PRDM1: variants seen among roughly 807,000 people sequenced by gnomAD.
The protein encoded by PRDM1 is PR domain zinc finger protein 1.
Under a neutral mutation model 62.8 loss-of-function variants are expected in PRDM1, and 13 were observed. That is an observed-to-expected ratio of 0.21 (90% CI 0.13 to 0.33). The LOEUF (loss-of-function observed/expected upper bound fraction) is 0.33. Ranked by LOEUF, PRDM1 falls within the 10% of genes least tolerant of loss-of-function variation. PRDM1 has a pLI of 1.00. For missense variants in PRDM1, 895 were observed against 1,058.8 expected (o/e 0.85, Z 2.15); for synonymous variants, 396 against 417.6 (o/e 0.95, Z 0.63).
intron 1 of PRDM1, among the ~76,000 whole-genome samples, chr6:106,014,796 G>A (rs189643988): frequency 5.9e-5 from 9 of 152,090 alleles, no homozygotes; most frequent in African/African-American, 1.9e-4. Context: ...TTGGCCTTCT[G>A]GTGACAGGTG....
At chr6:106,005,647 A>T (rs563039191) in intron 1 of PRDM1, among the ~76,000 whole-genome samples, 8 of 152,358 alleles carry the variant, frequency 5.3e-5, no homozygotes, top group African/African-American at 1.9e-4. Context: ...TAGAATTATC[A>T]TTAAAACACT....
intron 1 of PRDM1, among the ~76,000 whole-genome samples, chr6:106,067,569 A>G (rs1353367318): frequency 6.6e-6 from 1 of 152,238 alleles, no homozygotes; most frequent in East Asian, 1.9e-4. Flanking sequence ...GATATATGCT[A>G]CATGTGGATG....
At chr6:106,020,182 CAAAA>C (rs371335498) in intron 1 of PRDM1, among the ~76,000 whole-genome samples, 2 of 102,650 alleles carry the variant, frequency 1.9e-5, no homozygotes, top group African/African-American at 7.5e-5. Context: ...GACTCTGTCT[CAAAA>C]AAAAAAAAAA....
Position 106,106,640 on chromosome 6 carries a change from C to T in PRDM1, c.1902+141C>T. 2 of 1,231,620 alleles carry T rather than the reference C, an allele frequency of 1.6e-6. No homozygotes were observed. Among genetic ancestry groups the T allele is most frequent in the Non-Finnish European group, 2.2e-6 (2 of 898,958 alleles). The allele number at this position is 1,231,620 out of a possible 1,614,324, so 76.3% of individuals were successfully genotyped here. A position where few individuals can be genotyped will look rare whatever the true frequency, so the allele number is the denominator to read the frequency against. On this transcript the variant is annotated intron_variant, in intron 6 of 6. Coordinates refer to ENST00000369096, the MANE Select transcript of PRDM1 (RefSeq NM_001198.4). This position sits in a 1 kb window ranked among gnomAD's most constrained non-coding sequence, Gnocchi z 4.4. ...ATCCTGGACTGATGGCACTATGGTCCTTCCCAGTACTTTGTATCTGCTGAT... is the reference window on the plus strand; with the variant it reads ...ATCCTGGACTGATGGCACTATGGTCTTTCCCAGTACTTTGTATCTGCTGAT...
chr6:106,001,334 G>A (rs964949336), intron 1 of PRDM1, among the ~76,000 whole-genome samples: 17 of 152,174 alleles, frequency 1.1e-4, no homozygotes, highest in Admixed American at 3.3e-4. Flanking sequence ...TTAGCCTTGC[G>A]TTGTTTATGG....
intron 1 of PRDM1, among the ~76,000 whole-genome samples, chr6:106,066,806 A>C (rs1053603046): frequency 1.1e-4 from 16 of 152,214 alleles, no homozygotes; most frequent in African/African-American, 3.9e-4. Context: ...AAGTAATGTC[A>C]GTTATGGATC....
rs76828243 is a variant in PRDM1 at position 106,104,109 on chromosome 6, T to C, written c.665-716T>C. 8.2e-3 allele frequency among the ~76,000 whole-genome samples: 1,256 copies of C among 152,352 alleles called. 13 individuals carry two copies. The highest frequency in any genetic ancestry group is 0.029 in the African/African-American group (1,214 of 41,572). ...TTCACATTTAGTTCTCAGGGTATGCTGATTTCCTTTAGGTAAACCATGAAC... is the reference window on the plus strand; with the variant it reads ...TTCACATTTAGTTCTCAGGGTATGCCGATTTCCTTTAGGTAAACCATGAAC... On this transcript the variant is annotated intron_variant, in intron 4 of 6. Transcript: ENST00000369096.
At chr6:106,001,126 C>G (rs568779880) in intron 1 of PRDM1, among the ~76,000 whole-genome samples, 2 of 152,282 alleles carry the variant, frequency 1.3e-5, no homozygotes, top group East Asian at 3.9e-4. Flanking sequence ...TTATGTTTTC[C>G]TGACCTAGTG....
rs2114650155 is a variant in PRDM1 at position 106,104,906 on chromosome 6, G to A, written c.746G>A (p.Ser249Asn). ...CPKNVPKREYSVKEILKLDSN... is the reference protein window; with the variant it reads ...CPKNVPKREYNVKEILKLDSN... Reference sequence around the variant, plus strand: ...AAGAATGTCCCAAAGAGAGAGTACAGCGTGAAAGAAATCCTAAAATTGGAC... The same window carrying A: ...AAGAATGTCCCAAAGAGAGAGTACAACGTGAAAGAAATCCTAAAATTGGAC... Residue 249 changes from serine to asparagine, a missense_variant, in exon 5 of 7, where the codon AGC becomes AAC. Physicochemically the swap from Ser to Asn is conservative, Grantham distance 46. This residue lies in a region of PRDM1 where 444 missense variants were observed against 422.7 expected (regional missense o/e 1.05). Coordinates refer to ENST00000369096, the MANE Select transcript of PRDM1 (RefSeq NM_001198.4). 6.2e-7 allele frequency: 1 copy of A among 1,614,080 alleles called. No individual in the cohort carries two copies. Among genetic ancestry groups the A allele is most frequent in the East Asian group, 2.2e-5 (1 of 44,884 alleles).
At chr6:106,089,394 GA>G (rs1424401153) in intron 2 of PRDM1, among the ~76,000 whole-genome samples, 2 of 152,228 alleles carry the variant, frequency 1.3e-5, no homozygotes, top group East Asian at 1.9e-4. Flanking sequence ...TAGAAATCCA[GA>G]ATTTGCTACT....
At chr6:106,088,590 G>A (rs1773877239) in intron 2 of PRDM1, 141 bp downstream of exon 2, 2 of 924,582 alleles carry the variant, frequency 2.2e-6, no homozygotes, top group East Asian at 5.2e-5. Context: ...TTCAATTCTT[G>A]CATTGCTTTC....
At chr6:106,047,855 G>A, upstream of PRDM1, among the ~76,000 whole-genome samples, 1 of 152,170 alleles carries the variant, frequency 6.6e-6, no homozygotes, top group East Asian at 1.9e-4. Context: ...TAATGCAGGG[G>A]CTGGGCTGGA....
At chr6:106,040,094 A>G (rs1772973348) in intron 1 of PRDM1, among the ~76,000 whole-genome samples, 3 of 152,278 alleles carry the variant, frequency 2.0e-5, no homozygotes. Context: ...CCAGCGAGGA[A>G]GAAATGATTA....
At chr6:106,042,737 C>T (rs1773020988) in intron 1 of PRDM1, among the ~76,000 whole-genome samples, 3 of 152,056 alleles carry the variant, frequency 2.0e-5, no homozygotes, top group African/African-American at 7.2e-5. Flanking sequence ...CAGCTATGTC[C>T]CTGTAGATCC....
Position 105,999,406 on chromosome 6 carries a change from T to C in PRDM1, c.-67+5767T>C, listed in dbSNP as rs531153586. 2.0e-5 allele frequency among the ~76,000 whole-genome samples: 3 copies of C among 151,732 alleles called. No individual in the cohort carries two copies. The East Asian group carries it at 5.8e-4, about 30-fold the overall frequency. Reference sequence around the variant, plus strand: ...CCCCCATGTCTACAAAAAAAAAAAATTAGAAAACACATTGTGACCAATTAG... The same window carrying C: ...CCCCCATGTCTACAAAAAAAAAAAACTAGAAAACACATTGTGACCAATTAG... On this transcript the variant is annotated intron_variant, in intron 1 of 6. Coordinates refer to the PRDM1 transcript ENST00000652320.
In PRDM1 at chr6:106,064,319, C is replaced by T. The variant is rs143354597; in HGVS notation, c.-67+15605C>T. Among the ~76,000 whole-genome samples, 264 of 152,288 alleles carry T rather than the reference C, an allele frequency of 1.7e-3. 1 individual carries two copies. The highest frequency in any genetic ancestry group is 6.2e-3 in the African/African-American group (258 of 41,562). On this transcript the variant is annotated intron_variant, in intron 1 of 6. Transcript: ENST00000651185. ...CTCTGGGTGTTGAGCTGTGGACAGA[C>T]GAAATCCAGGCCTGTTCACAGGGCA...
chr6:106,034,799 T>C (rs1177358753), intron 1 of PRDM1, among the ~76,000 whole-genome samples: 3 of 151,778 alleles, frequency 2.0e-5, no homozygotes, highest in Admixed American at 2.0e-4. Context: ...GCATGGCTAG[T>C]TTTTGTATTT....
At chr6:106,101,923 G>T (rs755384525) in intron 4 of PRDM1, among the ~76,000 whole-genome samples, 1 of 152,166 alleles carries the variant, frequency 6.6e-6, no homozygotes, top group African/African-American at 2.4e-5. Flanking sequence ...AGGAATAAAA[G>T]AACTAATAAG....
intron 1 of PRDM1, among the ~76,000 whole-genome samples, chr6:106,068,245 C>T (rs530201336): frequency 2.0e-5 from 3 of 152,202 alleles, no homozygotes; most frequent in African/African-American, 7.2e-5. Context: ...GCGGATGCCA[C>T]GACGCCCAGC....
Sources: gnomAD v4.1 joint callset for allele counts (sites outside exome capture counted in the v4.1 genomes callset) on GRCh38, gnomAD v4.1.1 for gene constraint, gnomAD v4.1.1 regional missense constraint, Gnocchi (gnomAD v3.1) non-coding constraint, MANE v1.5 for transcripts, NCBI Gene and HGNC (gene_info 2026-07-23, HGNC 2026-07-21) for gene names.